Variants in ABCG2 observed in about 807,000 individuals in gnomAD.
ABCG2 encodes the protein broad substrate specificity ATP-binding cassette transporter ABCG2.
In ABCG2, 80 loss-of-function variants were observed where a neutral mutation model predicts 73.5. That is an observed-to-expected ratio of 1.09 (90% CI 0.91 to 1.31). ABCG2 has a LOEUF of 1.31. Among genes scored for constraint, ABCG2 ranks in the 50% most tolerant of loss-of-function variants. ABCG2 has a pLI of 0.00. For synonymous variants in ABCG2, 269 were observed against 282.4 expected, an observed-to-expected ratio of 0.95 and a Z score of 0.48; for missense variants, 796 against 786.2, an observed-to-expected ratio of 1.01 and a Z score of -0.15.
intron 6 of ABCG2, among the ~76,000 whole-genome samples, chr4:88,119,878 A>G (rs1266365856): frequency 6.6e-6 from 1 of 152,154 alleles, no homozygotes; most frequent in Admixed American, 6.6e-5. Flanking sequence ...AAAAAGAAAA[A>G]CCCATTTTCT....
chr4:88,208,232 G>T (rs1386203767), intron 1 of ABCG2, among the ~76,000 whole-genome samples: 1 of 152,116 alleles, frequency 6.6e-6, no homozygotes, highest in Non-Finnish European at 1.5e-5. Context: ...ACATAATTCA[G>T]TATATATAAT....
chr4:88,136,619 T>A, intron 2 of ABCG2, among the ~76,000 whole-genome samples: 1 of 152,144 alleles, frequency 6.6e-6, no homozygotes, highest in East Asian at 1.9e-4. Flanking sequence ...GGTGATAGGA[T>A]CACTTGAGCC....
chr4:88,213,982 CTTTTTTTTTT>C (rs33984842), intron 1 of ABCG2, among the ~76,000 whole-genome samples: 3 of 59,638 alleles, frequency 5.0e-5, no homozygotes, highest in Admixed American at 2.7e-4. Context: ...CACGCCCGGC[CTTTTTTTTTT>C]TTTTTTTTTT....
At chr4:88,097,698 T>A (rs975607696) in intron 12 of ABCG2, 91 bp from the exon 13 acceptor site, 2 of 1,343,434 alleles carry the variant, frequency 1.5e-6, no homozygotes, top group South Asian at 2.9e-5. Flanking sequence ...CACTAATATT[T>A]TGAGAAACTA....
At chr4:88,138,719 C>G (rs1454889618) in intron 2 of ABCG2, among the ~76,000 whole-genome samples, 1 of 152,202 alleles carries the variant, frequency 6.6e-6, no homozygotes, top group Admixed American at 6.5e-5. Context: ...ACACCAACCC[C>G]TGATGACCTT....
chr4:88,208,681 C>CT (rs1242420333), intron 1 of ABCG2, among the ~76,000 whole-genome samples: 8 of 152,174 alleles, frequency 5.3e-5, no homozygotes, highest in Admixed American at 1.3e-4. Context: ...GCTCTGTTAA[C>CT]TTTTTTCTGC....
upstream of ABCG2, chr4:88,158,943 G>T: frequency 2.9e-6 from 1 of 348,560 alleles, no homozygotes; most frequent in Non-Finnish European, 5.6e-6. Flanking sequence ...GGTTTCCCCA[G>T]GTCGGGGTTC....
intron 1 of ABCG2, among the ~76,000 whole-genome samples, chr4:88,170,060 G>A (rs565058228): frequency 1.3e-5 from 2 of 149,178 alleles, no homozygotes; most frequent in African/African-American, 5.0e-5. Context: ...GCGGTGAGCC[G>A]AGATTGTGCC....
upstream of ABCG2, among the ~76,000 whole-genome samples, chr4:88,161,156 A>AT (rs766437759): frequency 6.9e-5 from 9 of 130,076 alleles, no homozygotes; most frequent in African/African-American, 2.1e-4. Context: ...TCTACAAACA[A>AT]TTTTTTTTTT....
chr4:88,213,982 C>CTTTTTTTTT (rs33984842), intron 1 of ABCG2, among the ~76,000 whole-genome samples: 1 of 59,622 alleles, frequency 1.7e-5, no homozygotes, highest in Non-Finnish European at 3.0e-5. Flanking sequence ...CACGCCCGGC[C>CTTTTTTTTT]TTTTTTTTTT....
intron 1 of ABCG2, among the ~76,000 whole-genome samples, chr4:88,140,235 C>T (rs1578220292): frequency 6.6e-6 from 1 of 152,146 alleles, no homozygotes. Flanking sequence ...ATGTCAAATA[C>T]ATCCCTAATA....
chr4:88,127,519 A>T (rs575646175), intron 5 of ABCG2, among the ~76,000 whole-genome samples: 2 of 152,348 alleles, frequency 1.3e-5, no homozygotes, highest in African/African-American at 4.8e-5. Flanking sequence ...CTGACTTTAA[A>T]CTATACTACA....
Position 88,131,007 on chromosome 4 carries a change from A to C in ABCG2, c.531+54T>G. ...TCTGAATCAGAGTCATTTTATCCAC[A>C]CAGGGAAAGTCCTACTTATGCTGAT... is the stretch of plus-strand genomic sequence containing the variant. On this transcript the variant is annotated intron_variant, in intron 5 of 15. Transcript: ENST00000237612. 6.3e-6 allele frequency: 10 copies of C among 1,589,820 alleles called. 1 individual carries two copies. In the South Asian group the frequency reaches 1.1e-4, roughly 18 times the overall value.
At chr4:88,164,902 C>A (rs1727455612) in intron 1 of ABCG2, among the ~76,000 whole-genome samples, 1 of 152,110 alleles carries the variant, frequency 6.6e-6, no homozygotes, top group Non-Finnish European at 1.5e-5. Flanking sequence ...CTCAGCCTCC[C>A]AAGTAGCTGG....
chr4:88,158,920 C>T (rs1727150305), upstream of ABCG2: 1 of 346,316 alleles, frequency 2.9e-6, no homozygotes, highest in African/African-American at 2.3e-5. Context: ...AGTGGCCCCT[C>T]CCCAGCGCCC....
intron 1 of ABCG2, among the ~76,000 whole-genome samples, chr4:88,197,931 G>A (rs1015498828): frequency 6.6e-6 from 1 of 151,036 alleles, no homozygotes; most frequent in African/African-American, 2.4e-5. Flanking sequence ...TTGGCAGGAT[G>A]AGGCATGATA....
rs191608907 is a variant in ABCG2, at chr4:88,134,111, A to C, written c.204-1476T>G. ...TCCTTAGAATTGATAAGTAAGTTACAATATATTCCACAGAGAAAGTAATAT... is the reference window on the plus strand; with the variant it reads ...TCCTTAGAATTGATAAGTAAGTTACCATATATTCCACAGAGAAAGTAATAT... On this transcript the variant is annotated intron_variant, in intron 2 of 15. Transcript: ENST00000237612. 1.8e-4 allele frequency among the ~76,000 whole-genome samples: 28 copies of C among 152,338 alleles called. 1 individual carries two copies. In the East Asian group the frequency reaches 5.4e-3, roughly 29 times the overall value.
rs1366771026 is a variant in ABCG2, at chr4:88,133,253, A to G, written c.204-618T>C. Among the ~76,000 whole-genome samples the G allele has an allele frequency of 2.0e-5, 3 of 152,204 alleles. No homozygotes were observed. The East Asian group carries it at 5.8e-4, about 29-fold the overall frequency. On this transcript the variant is annotated intron_variant, in intron 2 of 15. Coordinates refer to ENST00000237612, the MANE Select transcript of ABCG2 (RefSeq NM_004827.3). Reference sequence around the variant, plus strand: ...AATTAATAAGTCGCTAATTTGTGGAATACCGGTAGAAGTATTCTCACTGCT... The same window carrying G: ...AATTAATAAGTCGCTAATTTGTGGAGTACCGGTAGAAGTATTCTCACTGCT...
chr4:88,212,153 G>A (rs879844738), intron 1 of ABCG2, among the ~76,000 whole-genome samples: 1 of 152,078 alleles, frequency 6.6e-6, no homozygotes, highest in Non-Finnish European at 1.5e-5. Context: ...GGACTCTGGC[G>A]CCCTCTTGTG....
Sources: gnomAD v4.1 joint callset for allele counts (sites outside exome capture counted in the v4.1 genomes callset) on GRCh38, gnomAD v4.1.1 for gene constraint, MANE v1.5 for transcripts, NCBI Gene and HGNC (gene_info 2026-07-23, HGNC 2026-07-21) for gene names.